DNMBP: variants seen among roughly 807,000 people sequenced by gnomAD.
DNMBP encodes dynamin-binding protein.
DNMBP carries 87 observed loss-of-function variants against 150.0 expected under a neutral mutation model. The observed-to-expected ratio is 0.58, with a 90% CI of 0.49 to 0.69. The LOEUF (loss-of-function observed/expected upper bound fraction) is 0.69, where lower values mean the gene tolerates loss of function less well. Ranked by LOEUF, DNMBP falls within the 30% of genes least tolerant of loss-of-function variation. DNMBP has a pLI of 0.00. For synonymous variants in DNMBP, 711 were observed against 750.4 expected (o/e 0.95, Z 0.86); for missense variants, 1,774 against 1,949.0 (o/e 0.91, Z 1.69).
intron 4 of DNMBP, among the ~76,000 whole-genome samples, chr10:99,915,038 G>A (rs1051511837): frequency 1.4e-5 from 2 of 146,280 alleles, no homozygotes; most frequent in African/African-American, 5.1e-5. Flanking sequence ...AGGCTGCAGT[G>A]AGCCGAGATC....
intron 4 of DNMBP, chr10:99,913,864 C>T: frequency 8.0e-7 from 1 of 1,249,394 alleles, no homozygotes; most frequent in Non-Finnish European, 1.0e-6. Context: ...TTTTGAGCTC[C>T]CGGCCAGATC....
chr10:99,914,965 A>T (rs2039944749), intron 4 of DNMBP, among the ~76,000 whole-genome samples: 1 of 151,184 alleles, frequency 6.6e-6, no homozygotes, highest in Admixed American at 6.6e-5. Context: ...GTGGTGGCAC[A>T]CACTTGTAAT....
At chr10:99,883,952 C>T in intron 15 of DNMBP, 59 bp downstream of exon 15, 1 of 1,516,618 alleles carries the variant, frequency 6.6e-7, no homozygotes, top group Non-Finnish European at 9.1e-7. Flanking sequence ...GATTCGGGTG[C>T]AGCCAAAACT....
rs949762285 is a variant in DNMBP, at chr10:100,001,317, C to T, written c.-11+8521G>A. Reference sequence around the variant, plus strand: ...AAGGCAGGTAGACATTGAATCTCCTCACCATAGGGATGTTCACCTATGAAT... The same window carrying T: ...AAGGCAGGTAGACATTGAATCTCCTTACCATAGGGATGTTCACCTATGAAT... On this transcript the variant is annotated intron_variant, in intron 1 of 16. Coordinates refer to ENST00000324109, the MANE Select transcript of DNMBP (RefSeq NM_015221.4). 3.5e-5 allele frequency among the ~76,000 whole-genome samples: 5 copies of T among 143,308 alleles called. No homozygotes were observed. The East Asian group carries it at 8.2e-4, about 23-fold the overall frequency. 94.0% of individuals were successfully genotyped at this position (143,308 alleles called of 152,430 possible). A position where few individuals can be genotyped will look rare whatever the true frequency, so the allele number is the denominator to read the frequency against.
chr10:99,996,229 T>C (rs2040950308), intron 1 of DNMBP, among the ~76,000 whole-genome samples: 1 of 152,218 alleles, frequency 6.6e-6, no homozygotes. Flanking sequence ...TTGGTAAAAT[T>C]CAACCCAAAG....
Position 99,957,096 on chromosome 10 carries a change from G to C in DNMBP, c.378C>G (p.Leu126=). The change falls in exon 4 of 17, where the codon CTC becomes CTG. Residue 126 remains leucine, a synonymous_variant. Transcript: ENST00000324109. The part of the protein sequence containing the change: ...FPSSCVRELC[L]SSQSRQWHSQ... The stretch of plus-strand genomic sequence containing the variant: ...AGTGCCACTGCCGGCTCTGTGAGGA[G>C]AGGCAGAGCTCGCGGACACATGAAG... The C allele has an allele frequency of 2.5e-6, 4 of 1,614,134 alleles. No homozygotes were observed. In the South Asian group the frequency reaches 4.4e-5, roughly 18 times the overall value.
At chr10:99,918,049 G>A (rs1439799091) in intron 4 of DNMBP, among the ~76,000 whole-genome samples, 1 of 151,236 alleles carries the variant, frequency 6.6e-6, no homozygotes, top group Non-Finnish European at 1.5e-5. Flanking sequence ...AAACACAACT[G>A]CCTGCCTAGC....
intron 1 of DNMBP, among the ~76,000 whole-genome samples, chr10:99,980,479 A>C (rs1464771690): frequency 7.9e-5 from 12 of 151,548 alleles, no homozygotes; most frequent in Non-Finnish European, 1.5e-5. Flanking sequence ...AATATGTATC[A>C]CTGTAAAGTG....
intron 4 of DNMBP, among the ~76,000 whole-genome samples, chr10:99,948,981 T>G: frequency 6.7e-6 from 1 of 149,540 alleles, no homozygotes; most frequent in South Asian, 2.1e-4. Flanking sequence ...AATAAATAAA[T>G]AAATAAATAA....
Position 99,899,917 on chromosome 10 carries a change from A to G in DNMBP, c.2702+2T>C. On this transcript the variant is annotated splice_donor_variant, in intron 7 of 16. Coordinates refer to ENST00000324109, the MANE Select transcript of DNMBP (RefSeq NM_015221.4). LOFTEE classifies it high-confidence loss of function. ...TGGAAGTTAAGTGGTCAAAACTCCTACTTCAGATCTGCCAAGGAGTCCTGA... is the reference window on the plus strand; with the variant it reads ...TGGAAGTTAAGTGGTCAAAACTCCTGCTTCAGATCTGCCAAGGAGTCCTGA... The G allele has an allele frequency of 6.2e-7, 1 of 1,614,126 alleles. No individual in the cohort carries two copies. Among genetic ancestry groups the G allele is most frequent in the Non-Finnish European group, 8.5e-7 (1 of 1,180,014 alleles).
chr10:99,966,285 C>T (rs764618184), intron 3 of DNMBP, among the ~76,000 whole-genome samples: 1 of 152,196 alleles, frequency 6.6e-6, no homozygotes, highest in Admixed American at 6.5e-5. Context: ...ATAATTAGTA[C>T]ATCTCATTCT....
intron 1 of DNMBP, among the ~76,000 whole-genome samples, chr10:99,982,865 C>G (rs563120664): frequency 1.3e-4 from 20 of 151,980 alleles, no homozygotes; most frequent in African/African-American, 4.8e-4. Flanking sequence ...TATGGGGGAG[C>G]AGCTCTGAGG....
At chr10:99,927,880 C>G (rs910525004) in intron 4 of DNMBP, among the ~76,000 whole-genome samples, 2 of 152,070 alleles carry the variant, frequency 1.3e-5, no homozygotes, top group Non-Finnish European at 2.9e-5. Flanking sequence ...AATAAACACA[C>G]TTTGATTACA....
chr10:99,889,719 A>G lies in DNMBP; in HGVS notation c.3157-766T>C, dbSNP rs569761938. Reference sequence around the variant, plus strand: ...GGGCTGTAACCCAAACAAACTAAATACTCCATTAGTCTATTTCAAGGGCAA... The same window carrying G: ...GGGCTGTAACCCAAACAAACTAAATGCTCCATTAGTCTATTTCAAGGGCAA... On this transcript the variant is annotated intron_variant, in intron 11 of 16. Transcript: ENST00000324109. Among the ~76,000 whole-genome samples the G allele has an allele frequency of 4.6e-5, 7 of 152,016 alleles. 1 individual carries two copies. In the East Asian group the frequency reaches 1.2e-3, roughly 25 times the overall value.
At chr10:99,995,073 GA>G (rs2040937109) in intron 1 of DNMBP, among the ~76,000 whole-genome samples, 1 of 65,436 alleles carries the variant, frequency 1.5e-5, no homozygotes, top group Non-Finnish European at 3.5e-5. Flanking sequence ...TTTTTTTTTT[GA>G]GACAGTCTCA....
intron 7 of DNMBP, 42 bp downstream of exon 7, chr10:99,899,877 A>G (rs2039713568): frequency 6.2e-7 from 1 of 1,610,438 alleles, no homozygotes; most frequent in East Asian, 2.2e-5. Context: ...AACTTAGAGA[A>G]CTAAAGAGCT....
intron 3 of DNMBP, among the ~76,000 whole-genome samples, chr10:99,959,982 A>G (rs1291767319): frequency 1.3e-5 from 2 of 152,170 alleles, no homozygotes; most frequent in Non-Finnish European, 2.9e-5. Flanking sequence ...TCCTGAAAAT[A>G]TATTATAATG....
intron 9 of DNMBP, among the ~76,000 whole-genome samples, chr10:99,896,620 G>C (rs2039660743): frequency 6.6e-6 from 1 of 152,228 alleles, no homozygotes. Context: ...GAAAACAGCA[G>C]AGGGTGTTAA....
chr10:99,917,055 TATA>T (rs973110274), intron 4 of DNMBP, among the ~76,000 whole-genome samples: 3 of 152,058 alleles, frequency 2.0e-5, no homozygotes, highest in African/African-American at 7.2e-5. Flanking sequence ...GGCATGCCCA[TATA>T]ATAAAATACT....
Sources: allele counts gnomAD v4.1 joint callset (sites outside exome capture counted in the v4.1 genomes callset), GRCh38; gene constraint gnomAD v4.1.1; transcripts MANE v1.5; gene names NCBI Gene and HGNC (gene_info 2026-07-23, HGNC 2026-07-21).